Variants in SLC38A1 observed in about 807,000 individuals in gnomAD.
The protein encoded by SLC38A1 is solute carrier family 38 member 1.
In SLC38A1, 18 loss-of-function variants were observed where a neutral mutation model predicts 60.3. The observed-to-expected ratio is 0.30, with a 90% CI of 0.21 to 0.44. SLC38A1 has a LOEUF of 0.44. Among genes scored for constraint, SLC38A1 ranks in the 20% least tolerant of loss-of-function variants. The probability of loss-of-function intolerance (pLI) is 1.00; values close to 1 mark genes in which losing one functional copy is unlikely to be tolerated. For synonymous variants in SLC38A1, 196 were observed against 212.1 expected (o/e 0.92, Z 0.66); for missense variants, 448 against 587.2 (o/e 0.76, Z 2.45).
At chr12:46,203,154 G>A in intron 11 of SLC38A1, 65 bp from the exon 12 acceptor site, 1 of 1,298,904 alleles carries the variant, frequency 7.7e-7, no homozygotes, top group Non-Finnish European at 1.1e-6. Flanking sequence ...CATAGCTCCA[G>A]TATTTCTGAG....
chr12:46,253,756 AT>A (rs200832920), intron 1 of SLC38A1, among the ~76,000 whole-genome samples: 2,227 of 152,112 alleles, frequency 0.015, 51 homozygotes, highest in African/African-American at 0.05. Flanking sequence ...TGCCTCTGAC[AT>A]TTCCCCCCTC....
At chr12:46,263,058 G>T (rs1308731526) in intron 1 of SLC38A1, among the ~76,000 whole-genome samples, 11 of 152,142 alleles carry the variant, frequency 7.2e-5, no homozygotes, top group Admixed American at 4.6e-4. Flanking sequence ...AGGCCAATAG[G>T]CCTCAGTTCT....
intron 3 of SLC38A1, among the ~76,000 whole-genome samples, chr12:46,232,370 C>T (rs1357502111): frequency 6.6e-6 from 1 of 152,188 alleles, no homozygotes; most frequent in African/African-American, 2.4e-5. Flanking sequence ...AACTAAAAGA[C>T]AAAAGCCTAA....
chr12:46,217,489 G>A (rs1444077449), intron 5 of SLC38A1, among the ~76,000 whole-genome samples: 1 of 152,100 alleles, frequency 6.6e-6, no homozygotes, highest in Non-Finnish European at 1.5e-5. Context: ...TTTCAAAATG[G>A]TTTAATGGTT....
intron 1 of SLC38A1, among the ~76,000 whole-genome samples, chr12:46,259,803 G>A (rs1487943221): frequency 6.6e-6 from 1 of 152,000 alleles, no homozygotes; most frequent in Non-Finnish European, 1.5e-5. Flanking sequence ...TTCCCTTCTT[G>A]ACATCCATCA....
Position 46,229,792 on chromosome 12 carries a change from C to T in SLC38A1, c.123-153G>A, listed in dbSNP as rs556141922. Among the ~76,000 whole-genome samples, 54 of 152,330 alleles carry T rather than the reference C, an allele frequency of 3.5e-4. No individual in the cohort carries two copies. In the South Asian group the frequency reaches 0.011, roughly 30 times the overall value. On this transcript the variant is annotated intron_variant, in intron 3 of 16. Coordinates refer to ENST00000398637, the MANE Select transcript of SLC38A1 (RefSeq NM_030674.4). ...GCCCTATTCAACCACCAACTCCCCC[C>T]ACCTTTTTTTCTTTTGCCATTATGA...
At chr12:46,253,486 A>G (rs189841738) in intron 1 of SLC38A1, among the ~76,000 whole-genome samples, 346 of 152,286 alleles carry the variant, frequency 2.3e-3, no homozygotes, top group African/African-American at 7.8e-3. Flanking sequence ...GGCATTTGTA[A>G]ACTGTCATGG....
chr12:46,239,325 CT>C (rs11343329), intron 3 of SLC38A1: 1,503 of 143,672 alleles, frequency 0.01, 15 homozygotes, highest in African/African-American at 0.034. Context: ...TTTTTCTTTA[CT>C]TTTTTTTTTT....
intron 9 of SLC38A1, among the ~76,000 whole-genome samples, chr12:46,205,269 G>A (rs766904616): frequency 1.3e-5 from 2 of 152,042 alleles, no homozygotes; most frequent in Non-Finnish European, 2.9e-5. Context: ...AGAAAACACA[G>A]AGGCAGAAAC....
chr12:46,245,721 C>T (rs1169591698), intron 1 of SLC38A1, among the ~76,000 whole-genome samples: 1 of 152,130 alleles, frequency 6.6e-6, no homozygotes, highest in African/African-American at 2.4e-5. Flanking sequence ...TATGCTCCAA[C>T]CTGGGTAACA....
chr12:46,213,806 G>C (rs916704692), intron 5 of SLC38A1, among the ~76,000 whole-genome samples: 3 of 152,196 alleles, frequency 2.0e-5, no homozygotes, highest in Non-Finnish European at 4.4e-5. Context: ...TCCATCACTA[G>C]ACTGTAAGAC....
chr12:46,236,484 G>T (rs1941264863), intron 3 of SLC38A1, among the ~76,000 whole-genome samples: 1 of 152,118 alleles, frequency 6.6e-6, no homozygotes, highest in African/African-American at 2.4e-5. Flanking sequence ...ATCTTAAAGG[G>T]ATGGGATTGA....
At chr12:46,196,139 A>G in intron 16 of SLC38A1, 1 of 1,535,892 alleles carries the variant, frequency 6.5e-7, no homozygotes, top group Non-Finnish European at 8.7e-7. Flanking sequence ...AATACAGATT[A>G]CTAAATCCAG....
At chr12:46,200,628 T>C (rs1939614523) in intron 13 of SLC38A1, among the ~76,000 whole-genome samples, 1 of 152,178 alleles carries the variant, frequency 6.6e-6, no homozygotes, top group Non-Finnish European at 1.5e-5. Context: ...TATCATTCCT[T>C]TGGATCTTTG....
In SLC38A1 at chr12:46,187,250, G is replaced by A. The variant is rs1938967584; in HGVS notation, c.*1720C>T. On this transcript the variant is annotated 3_prime_UTR_variant, in exon 17 of 17. Transcript: ENST00000398637. ...TGAGAGTGAAGGCCTTTGGGGATTT[G>A]AGTCAGGAAGGGAACATGGCTAAGT... is the stretch of plus-strand genomic sequence containing the variant. 1 of 152,200 alleles carries A rather than the reference G, an allele frequency of 6.6e-6. No individual in the cohort carries two copies. Among genetic ancestry groups the A allele is most frequent in the Non-Finnish European group, 1.5e-5 (1 of 68,054 alleles). 9.4% of individuals were successfully genotyped at this position (152,200 alleles called of 1,614,324 possible).
intron 5 of SLC38A1, among the ~76,000 whole-genome samples, chr12:46,215,611 T>C (rs1940372632): frequency 6.6e-6 from 1 of 152,144 alleles, no homozygotes; most frequent in Admixed American, 6.5e-5. Flanking sequence ...TTTCACCATA[T>C]TGGCCAGGCT....
intron 16 of SLC38A1, chr12:46,196,410 A>G: frequency 8.1e-7 from 1 of 1,228,128 alleles, no homozygotes; most frequent in Non-Finnish European, 1.1e-6. Flanking sequence ...CCCTACTACT[A>G]GTTTCATTAT....
In SLC38A1 at chr12:46,183,425, A is replaced by G. The variant is rs1280411729; in HGVS notation, c.*5545T>C. 6.6e-6 allele frequency: 1 copy of G among 152,166 alleles called. No homozygotes were observed. Among genetic ancestry groups the G allele is most frequent in the East Asian group, 1.9e-4 (1 of 5,198 alleles). 9.4% of individuals were successfully genotyped at this position (152,166 alleles called of 1,614,324 possible). A position where few individuals can be genotyped will look rare whatever the true frequency, so the allele number is the denominator to read the frequency against. On this transcript the variant is annotated 3_prime_UTR_variant, in exon 17 of 17. Transcript: ENST00000398637. ...GCGTCAACACTAAAATAAAAGGCAA[A>G]CATGCAGGACTTTCAAAGCTTGATT... is the stretch of plus-strand genomic sequence containing the variant.
rs1938896060 is a variant in SLC38A1, at chr12:46,185,280, A to C, written c.*3690T>G. 1 of 151,834 alleles carries C rather than the reference A, an allele frequency of 6.6e-6. No homozygotes were observed. The highest frequency in any genetic ancestry group is 6.6e-5 in the Admixed American group (1 of 15,248). The allele number at this position is 151,834 out of a possible 1,614,324, so 9.4% of individuals were successfully genotyped here. Reference sequence around the variant, plus strand: ...GTCTAGGGGCCACACTTTGAGAACCACTGGCTTAGAGGCATGAATCAAGCT... The same window carrying C: ...GTCTAGGGGCCACACTTTGAGAACCCCTGGCTTAGAGGCATGAATCAAGCT... On this transcript the variant is annotated 3_prime_UTR_variant, in exon 17 of 17. Coordinates refer to ENST00000398637, the MANE Select transcript of SLC38A1 (RefSeq NM_030674.4).
Sources: allele counts gnomAD v4.1 joint callset (sites outside exome capture counted in the v4.1 genomes callset), GRCh38; gene constraint gnomAD v4.1.1; transcripts MANE v1.5; gene names NCBI Gene and HGNC (gene_info 2026-07-23, HGNC 2026-07-21).